Variants in LHFPL3 observed in about 807,000 individuals in gnomAD.
The protein encoded by LHFPL3 is LHFPL tetraspan subfamily member 3.
LHFPL3 carries 5 observed loss-of-function variants against 19.3 expected under a neutral mutation model. That is an observed-to-expected ratio of 0.26 (90% CI 0.14 to 0.54). LHFPL3 has a LOEUF of 0.54. Ranked by LOEUF, LHFPL3 falls within the 20% of genes least tolerant of loss-of-function variation. LHFPL3 has a pLI of 0.94. For missense variants in LHFPL3, 249 were observed against 307.4 expected (o/e 0.81, Z 1.42); for synonymous variants, 133 against 126.2 (o/e 1.05, Z -0.36).
chr7:104,877,618 A>G (rs772881153), intron 2 of LHFPL3, among the ~76,000 whole-genome samples: 15 of 152,200 alleles, frequency 9.9e-5, no homozygotes, highest in African/African-American at 2.9e-4. Flanking sequence ...ATGGGTAATA[A>G]TAAGTGTTGA....
In LHFPL3 at chr7:104,603,106, CTTTCTTTCTTT is replaced by C. The variant is rs1791010245; in HGVS notation, c.446-133568_446-133558del. On this transcript the variant is annotated intron_variant, in intron 1 of 2. Transcript: ENST00000424859. The stretch of plus-strand genomic sequence containing the variant: ...TCTTTCTTTCTTTCTTTCTTTCTTT[CTTTCTTTCTTT>C]CTTTCTTTCTTTCTTTTTTCCCTTC... Among the ~76,000 whole-genome samples the C allele has an allele frequency of 2.3e-5, 3 of 131,712 alleles. No homozygotes were observed. In the South Asian group the frequency reaches 7.7e-4, roughly 34 times the overall value. 86.4% of individuals were successfully genotyped at this position (131,712 alleles called of 152,430 possible). A position where few individuals can be genotyped will look rare whatever the true frequency, so the allele number is the denominator to read the frequency against.
chr7:104,823,691 G>C (rs73181896), intron 2 of LHFPL3, among the ~76,000 whole-genome samples: 1 of 152,116 alleles, frequency 6.6e-6, no homozygotes, highest in African/African-American at 2.4e-5. Context: ...TCTTCAATTG[G>C]TCTGTGAATG....
intron 1 of LHFPL3, among the ~76,000 whole-genome samples, chr7:104,337,533 G>A (rs914105745): frequency 3.3e-5 from 5 of 152,100 alleles, no homozygotes; most frequent in African/African-American, 9.7e-5. Context: ...GATACTAGAT[G>A]TATGGCAGGT....
intron 2 of LHFPL3, among the ~76,000 whole-genome samples, chr7:104,833,347 ATT>A (rs1491240148): frequency 2.2e-4 from 1 of 4,462 alleles, no homozygotes; most frequent in Non-Finnish European, 3.8e-4. Flanking sequence ...ATATATATAT[ATT>A]ATATATATAA....
chr7:104,380,858 A>C (rs1360715674), intron 1 of LHFPL3, among the ~76,000 whole-genome samples: 2 of 152,138 alleles, frequency 1.3e-5, no homozygotes, highest in African/African-American at 4.8e-5. Flanking sequence ...AAACAACAAC[A>C]ACAAAAAGCA....
intron 2 of LHFPL3, among the ~76,000 whole-genome samples, chr7:104,771,976 A>G (rs1234257882): frequency 6.6e-6 from 1 of 151,476 alleles, no homozygotes; most frequent in Non-Finnish European, 1.5e-5. Flanking sequence ...GTGTGCCACC[A>G]CGCCCAGCTA....
At chr7:104,409,213 A>T (rs1791485359) in intron 1 of LHFPL3, among the ~76,000 whole-genome samples, 1 of 151,912 alleles carries the variant, frequency 6.6e-6, no homozygotes, top group African/African-American at 2.4e-5. Context: ...ACAGGGAGGG[A>T]GGAAATAGCT....
intron 1 of LHFPL3, among the ~76,000 whole-genome samples, chr7:104,639,703 C>G (rs1043797032): frequency 6.6e-6 from 1 of 152,100 alleles, no homozygotes; most frequent in Non-Finnish European, 1.5e-5. Flanking sequence ...GCAATGCAGA[C>G]TATGGTTTGG....
chr7:104,678,764 A>G (rs1400256500), intron 1 of LHFPL3, among the ~76,000 whole-genome samples: 1 of 152,220 alleles, frequency 6.6e-6, no homozygotes, highest in African/African-American at 2.4e-5. Flanking sequence ...TTAAGCTTTC[A>G]TTACATTGCA....
chr7:104,683,627 G>A (rs972084286), intron 1 of LHFPL3, among the ~76,000 whole-genome samples: 2 of 152,178 alleles, frequency 1.3e-5, no homozygotes, highest in Admixed American at 6.5e-5. Context: ...CAGGAAGTGG[G>A]TTCCAGGAGG....
At chr7:104,639,304 G>A (rs1370307092) in intron 1 of LHFPL3, among the ~76,000 whole-genome samples, 1 of 152,062 alleles carries the variant, frequency 6.6e-6, no homozygotes, top group Non-Finnish European at 1.5e-5. Flanking sequence ...TCAGTCTTGG[G>A]AGTGTGTATG....
At chr7:104,835,082 C>G (rs1791065877) in intron 2 of LHFPL3, among the ~76,000 whole-genome samples, 3 of 151,896 alleles carry the variant, frequency 2.0e-5, no homozygotes, top group Non-Finnish European at 4.4e-5. Context: ...AGTCAGATGT[C>G]CTGAGTTCAA....
At chr7:104,476,457 T>C (rs1793019123) in intron 1 of LHFPL3, among the ~76,000 whole-genome samples, 1 of 152,120 alleles carries the variant, frequency 6.6e-6, no homozygotes, top group African/African-American at 2.4e-5. Context: ...CCCTCTTTTT[T>C]TTTTTTTATT....
intron 2 of LHFPL3, among the ~76,000 whole-genome samples, chr7:104,805,528 T>A (rs1438527414): frequency 6.6e-6 from 1 of 152,210 alleles, no homozygotes; most frequent in Admixed American, 6.5e-5. Flanking sequence ...CACATCAGCC[T>A]TCTTTCTGTC....
intron 1 of LHFPL3, among the ~76,000 whole-genome samples, chr7:104,443,228 T>C (rs1401437956): frequency 6.6e-6 from 1 of 152,172 alleles, no homozygotes; most frequent in East Asian, 1.9e-4. Flanking sequence ...GTCTCCAAAG[T>C]TAACAGCACA....
In LHFPL3 at chr7:104,689,945, G is replaced by T. The variant is rs541353050; in HGVS notation, c.446-46730G>T. ...GAATCCCCACATTGGCTGCCTGACA[G>T]GTAGGGTGAGGGCTATTGTGATGGG... On this transcript the variant is annotated intron_variant, in intron 1 of 2. Coordinates refer to ENST00000424859, the MANE Select transcript of LHFPL3 (RefSeq NM_199000.3). Among the ~76,000 whole-genome samples, 11 of 152,318 alleles carry T rather than the reference G, an allele frequency of 7.2e-5. No homozygotes were observed. The East Asian group carries it at 2.1e-3, about 29-fold the overall frequency.
At chr7:104,351,171 A>G (rs1790167517) in intron 1 of LHFPL3, among the ~76,000 whole-genome samples, 1 of 152,194 alleles carries the variant, frequency 6.6e-6, no homozygotes, top group Non-Finnish European at 1.5e-5. Flanking sequence ...CAAAGCAGAG[A>G]TCAATGAGTG....
intron 1 of LHFPL3, among the ~76,000 whole-genome samples, chr7:104,721,731 G>A (rs1383814975): frequency 6.6e-6 from 1 of 151,028 alleles, no homozygotes; most frequent in East Asian, 1.9e-4. Context: ...GTGGAATAAG[G>A]GGCCAAGAGT....
chr7:104,598,238 G>C (rs527382599), intron 1 of LHFPL3, among the ~76,000 whole-genome samples: 87 of 152,264 alleles, frequency 5.7e-4, no homozygotes, highest in Non-Finnish European at 9.7e-4. Flanking sequence ...CAGATATCTC[G>C]ATTGGTTCAG....
Sources: gnomAD v4.1 joint callset for allele counts (sites outside exome capture counted in the v4.1 genomes callset) on GRCh38, gnomAD v4.1.1 for gene constraint, MANE v1.5 for transcripts, NCBI Gene and HGNC (gene_info 2026-07-23, HGNC 2026-07-21) for gene names.